Variants in NR2F1-AS1 observed in about 807,000 individuals in gnomAD.
NR2F1-AS1 encodes NR2F1 antisense RNA 1.
At chr5:93,430,349 C>G (rs979027923) in intron 4 of NR2F1-AS1, among the ~76,000 whole-genome samples, 5 of 152,160 alleles carry the variant, frequency 3.3e-5, no homozygotes, top group Non-Finnish European at 7.3e-5. Flanking sequence ...CTCTTCGTGT[C>G]GTGGCACTTC....
Position 93,444,074 on chromosome 5 carries a change from C to T in NR2F1-AS1, n.639-48532G>A, listed in dbSNP as rs187000010. ...AGCACTAAACATGGAAAGGCACAAC[C>T]GGTACCAGCCACTGCAAAAACATGA... is the stretch of plus-strand genomic sequence containing the variant. On this transcript the variant is annotated intron_variant and non_coding_transcript_variant, in intron 4 of 5. Transcript: ENST00000660523. Among the ~76,000 whole-genome samples the T allele has an allele frequency of 3.8e-3, 580 of 152,244 alleles. 7 individuals carry two copies. The highest frequency in any genetic ancestry group is 0.013 in the African/African-American group (543 of 41,536).
At chr5:93,559,435 T>C (rs937317022) in intron 2 of NR2F1-AS1, among the ~76,000 whole-genome samples, 19 of 152,220 alleles carry the variant, frequency 1.2e-4, no homozygotes, top group Admixed American at 5.2e-4. Flanking sequence ...AAGACTGTTT[T>C]GCTTTTTTGT....
At chr5:93,439,821 T>C (rs1017364512) in intron 4 of NR2F1-AS1, among the ~76,000 whole-genome samples, 8 of 152,188 alleles carry the variant, frequency 5.3e-5, no homozygotes, top group African/African-American at 1.9e-4. Flanking sequence ...CAAAGTAGCA[T>C]TGGATGTCTT....
At chr5:93,463,661 C>G (rs1185916829) in intron 4 of NR2F1-AS1, among the ~76,000 whole-genome samples, 2 of 152,224 alleles carry the variant, frequency 1.3e-5, no homozygotes, top group Non-Finnish European at 2.9e-5. Flanking sequence ...AGGGGTGGAA[C>G]TGCCCAAGAC....
At chr5:93,480,090 A>T (rs1486875156) in intron 4 of NR2F1-AS1, among the ~76,000 whole-genome samples, 1 of 152,134 alleles carries the variant, frequency 6.6e-6, no homozygotes, top group Non-Finnish European at 1.5e-5. Flanking sequence ...AGAAACAGAA[A>T]AGAGAGAAAT....
At chr5:93,432,070 T>C (rs1385966842) in intron 4 of NR2F1-AS1, among the ~76,000 whole-genome samples, 1 of 152,218 alleles carries the variant, frequency 6.6e-6, no homozygotes, top group African/African-American at 2.4e-5. Context: ...ACTATATGCA[T>C]GTATACTACT....
At chr5:93,552,778 C>T (rs1250976954) in intron 4 of NR2F1-AS1, among the ~76,000 whole-genome samples, 2 of 151,616 alleles carry the variant, frequency 1.3e-5, no homozygotes, top group African/African-American at 4.8e-5. Flanking sequence ...ATAAAGAGGG[C>T]CAAAGCAACA....
chr5:93,522,967 T>A (rs1751534310), intron 4 of NR2F1-AS1, among the ~76,000 whole-genome samples: 2 of 151,176 alleles, frequency 1.3e-5, no homozygotes, highest in African/African-American at 4.9e-5. Context: ...TTTTTTCATA[T>A]CCCAGTGGTG....
chr5:93,566,746 C>T (rs1413737985), intron 1 of NR2F1-AS1, among the ~76,000 whole-genome samples: 1 of 151,882 alleles, frequency 6.6e-6, no homozygotes, highest in East Asian at 1.9e-4. Context: ...CTTTTAATAA[C>T]ATATTGTAAG....
intron 4 of NR2F1-AS1, chr5:93,409,914 T>C (rs1428352438): frequency 6.6e-6 from 1 of 152,172 alleles, no homozygotes; most frequent in Non-Finnish European, 1.5e-5. Context: ...GCAGTATGTA[T>C]TGGCAGCTTA....
At chr5:93,413,892 C>T (rs1197784179) in intron 4 of NR2F1-AS1, among the ~76,000 whole-genome samples, 1 of 152,136 alleles carries the variant, frequency 6.6e-6, no homozygotes, top group Non-Finnish European at 1.5e-5. Context: ...AGGCATTTCT[C>T]TAAGAACACA....
intron 4 of NR2F1-AS1, among the ~76,000 whole-genome samples, chr5:93,523,992 G>C (rs1244268514): frequency 1.3e-5 from 2 of 151,992 alleles, no homozygotes; most frequent in African/African-American, 4.8e-5. Context: ...AACAAAACTG[G>C]ACAGAGAATG....
intron 4 of NR2F1-AS1, among the ~76,000 whole-genome samples, chr5:93,415,688 C>T (rs1461682063): frequency 1.3e-5 from 2 of 152,126 alleles, no homozygotes; most frequent in African/African-American, 4.8e-5. Flanking sequence ...GCACATTGCC[C>T]CAAGAGTACT....
At chr5:93,541,271 G>A (rs1350296962) in intron 4 of NR2F1-AS1, among the ~76,000 whole-genome samples, 1 of 152,180 alleles carries the variant, frequency 6.6e-6, no homozygotes, top group African/African-American at 2.4e-5. Flanking sequence ...CCTCCCATGT[G>A]ATAAGCAGGC....
At chr5:93,469,520 G>T (rs557321793) in intron 4 of NR2F1-AS1, among the ~76,000 whole-genome samples, 1 of 151,936 alleles carries the variant, frequency 6.6e-6, no homozygotes, top group Admixed American at 6.6e-5. Flanking sequence ...ACCAACTAAA[G>T]CTCAGTAAAC....
intron 4 of NR2F1-AS1, among the ~76,000 whole-genome samples, chr5:93,547,873 TGA>T (rs1752125563): frequency 6.6e-6 from 1 of 152,186 alleles, no homozygotes; most frequent in African/African-American, 2.4e-5. Flanking sequence ...TCAATGATAT[TGA>T]CAAATACAAT....
At chr5:93,561,945 A>G (rs1307173025) in intron 2 of NR2F1-AS1, among the ~76,000 whole-genome samples, 3 of 152,132 alleles carry the variant, frequency 2.0e-5, no homozygotes, top group Non-Finnish European at 4.4e-5. Flanking sequence ...CACTTTTCAG[A>G]AAACAATGTT....
At chr5:93,428,947 T>A (rs888930710) in intron 4 of NR2F1-AS1, among the ~76,000 whole-genome samples, 4 of 152,180 alleles carry the variant, frequency 2.6e-5, no homozygotes, top group Admixed American at 2.0e-4. Context: ...GTCCATTAAA[T>A]TGGAAGCCAA....
rs958610514 is a variant in NR2F1-AS1, at chr5:93,438,959, A to T, written n.639-43417T>A. On this transcript the variant is annotated intron_variant and non_coding_transcript_variant, in intron 4 of 5. Transcript: ENST00000660523. The stretch of plus-strand genomic sequence containing the variant: ...GGTGATGAATATGTAAACTACCTCA[A>T]TTGTAATAATCATTCCACAATGTAA... 3.3e-5 allele frequency among the ~76,000 whole-genome samples: 5 copies of T among 152,374 alleles called. No individual in the cohort carries two copies. The South Asian group carries it at 8.3e-4, about 25-fold the overall frequency.
Sources: allele counts gnomAD v4.1 joint callset (sites outside exome capture counted in the v4.1 genomes callset), GRCh38; gene constraint gnomAD v4.1.1; transcripts MANE v1.5; gene names NCBI Gene and HGNC (gene_info 2026-07-23, HGNC 2026-07-21).